Variants in RPTOR observed in about 807,000 individuals in gnomAD.
RPTOR encodes regulatory associated protein of MTOR complex 1.
Under a neutral mutation model 169.9 loss-of-function variants are expected in RPTOR, and 21 were observed. That is an observed-to-expected ratio of 0.12 (90% CI 0.09 to 0.18). RPTOR has a LOEUF of 0.18. RPTOR is among the 10% of genes least tolerant of loss of function. The pLI, the probability that RPTOR is intolerant of heterozygous loss-of-function variation, is 1.00. For missense variants in RPTOR, 1,133 were observed against 1,855.9 expected, an observed-to-expected ratio of 0.61 and a Z score of 7.16; for synonymous variants, 732 against 753.2, an observed-to-expected ratio of 0.97 and a Z score of 0.46.
chr17:80,614,890 T>C (rs1178042188), intron 1 of RPTOR, among the ~76,000 whole-genome samples: 1 of 152,240 alleles, frequency 6.6e-6, no homozygotes, highest in Non-Finnish European at 1.5e-5. Flanking sequence ...TCACCAGGAC[T>C]TGGAGGAAAC....
intron 4 of RPTOR, among the ~76,000 whole-genome samples, chr17:80,720,696 G>A (rs66463810): frequency 0.29 from 44,242 of 152,162 alleles, 7,833 homozygotes; most frequent in Admixed American, 0.46. Flanking sequence ...CACGGTCATA[G>A]CGCTGCGGTG....
intron 21 of RPTOR, among the ~76,000 whole-genome samples, chr17:80,913,376 C>T (rs950237525): frequency 6.6e-6 from 1 of 152,166 alleles, no homozygotes. Flanking sequence ...TAATATATTT[C>T]GATTCCCATT....
chr17:80,888,056 T>C (rs1458658928), intron 17 of RPTOR, among the ~76,000 whole-genome samples: 1 of 152,108 alleles, frequency 6.6e-6, no homozygotes, highest in Non-Finnish European at 1.5e-5. Flanking sequence ...GGATGGGGGC[T>C]TACTCCCTCC....
chr17:80,592,425 G>A (rs997233169), intron 1 of RPTOR, among the ~76,000 whole-genome samples: 2 of 152,184 alleles, frequency 1.3e-5, no homozygotes, highest in African/African-American at 4.8e-5. Flanking sequence ...TAGTGCAGGG[G>A]CAAGACGCTG....
intron 10 of RPTOR, among the ~76,000 whole-genome samples, chr17:80,839,415 C>G (rs2067602538): frequency 1.3e-5 from 2 of 152,202 alleles, no homozygotes; most frequent in Admixed American, 6.5e-5. Context: ...TTACTTCTAC[C>G]CCATCTTTGT....
chr17:80,915,853 C>G (rs1383730766), intron 21 of RPTOR, among the ~76,000 whole-genome samples: 2 of 151,594 alleles, frequency 1.3e-5, no homozygotes, highest in Non-Finnish European at 2.9e-5. Context: ...AGGGTCTCCT[C>G]TCTGCTGAGA....
At chr17:80,876,074 A>G (rs1410839537) in intron 13 of RPTOR, among the ~76,000 whole-genome samples, 1 of 70,568 alleles carries the variant, frequency 1.4e-5, no homozygotes, top group Admixed American at 1.5e-4. Flanking sequence ...AGCCCGTGCC[A>G]CGCAGGGTGT....
chr17:80,583,194 T>TG (rs1192407901), intron 1 of RPTOR, among the ~76,000 whole-genome samples: 4 of 134,800 alleles, frequency 3.0e-5, no homozygotes, highest in African/African-American at 5.5e-5. Flanking sequence ...TTTTTTTTTT[T>TG]TTTTTTTTTT....
At chr17:80,873,194 C>T (rs535168396) in intron 13 of RPTOR, among the ~76,000 whole-genome samples, 4 of 152,174 alleles carry the variant, frequency 2.6e-5, no homozygotes, top group East Asian at 1.9e-4. Context: ...CAGAAATGCC[C>T]GGGGCTCTGT....
intron 24 of RPTOR, among the ~76,000 whole-genome samples, chr17:80,932,257 G>A (rs1383373065): frequency 1.3e-5 from 2 of 151,934 alleles, no homozygotes; most frequent in East Asian, 3.9e-4. Context: ...TGTTATCCCA[G>A]CACTTTGGAA....
chr17:80,883,915 C>T lies in RPTOR; in HGVS notation c.1785C>T (p.Gly595=), dbSNP rs895204017. ...ACTTCGACTCGGCGAGGTGGTGCGG[C>T]GTGAGGGACAGCGCTCATGAGAAGC... ...WQNFDSARWC[G]VRDSAHEKLY... The change falls in exon 16 of 34, where the codon GGC becomes GGT. Residue 595 remains glycine, a synonymous_variant. Transcript: ENST00000306801. 17 of 1,613,398 alleles carry T rather than the reference C, an allele frequency of 1.1e-5. No individual in the cohort carries two copies. Among genetic ancestry groups the T allele is most frequent in the South Asian group, 3.3e-5 (3 of 91,090 alleles).
chr17:80,765,227 TC>T (rs2066774277), intron 6 of RPTOR, among the ~76,000 whole-genome samples: 2 of 152,194 alleles, frequency 1.3e-5, no homozygotes, highest in African/African-American at 4.8e-5. Flanking sequence ...GTCCAGGGCC[TC>T]TGAACACTCT....
At chr17:80,851,070 A>G (rs1182925358) in intron 11 of RPTOR, among the ~76,000 whole-genome samples, 5 of 152,222 alleles carry the variant, frequency 3.3e-5, no homozygotes, top group Non-Finnish European at 7.3e-5. Context: ...CTGGAACTGC[A>G]TGCATGTGCC....
At position 80,794,971 on chromosome 17, in the gene RPTOR, T is replaced by C. The variant is rs563395024; in HGVS notation, c.890+3462T>C. On this transcript the variant is annotated intron_variant, in intron 7 of 33. Transcript: ENST00000306801. ...GGGTGATGTCTTGATGCTGGTGTGGTTCCACAGATCCACCCACACGTTCCA... is the reference window on the plus strand; with the variant it reads ...GGGTGATGTCTTGATGCTGGTGTGGCTCCACAGATCCACCCACACGTTCCA... Among the ~76,000 whole-genome samples, 22 of 152,150 alleles carry C rather than the reference T, an allele frequency of 1.4e-4. No homozygotes were observed. In the East Asian group the frequency reaches 4.2e-3, roughly 29 times the overall value.
At chr17:80,613,194 G>A (rs1437814015) in intron 1 of RPTOR, among the ~76,000 whole-genome samples, 3 of 152,102 alleles carry the variant, frequency 2.0e-5, no homozygotes, top group East Asian at 1.9e-4. Context: ...TCCGTGGCCC[G>A]TCACTTCTTG....
chr17:80,951,666 T>C (rs1457557139), intron 28 of RPTOR, among the ~76,000 whole-genome samples: 1 of 152,120 alleles, frequency 6.6e-6, no homozygotes, highest in Non-Finnish European at 1.5e-5. Flanking sequence ...TTCAAACCAG[T>C]TCACTCGGCA....
chr17:80,818,749 T>C (rs541573062), intron 7 of RPTOR, among the ~76,000 whole-genome samples: 5 of 152,272 alleles, frequency 3.3e-5, no homozygotes, highest in African/African-American at 1.2e-4. Flanking sequence ...ACCAGTGGGA[T>C]TTTCAGGACC....
chr17:80,945,369 G>C (rs1290315994), intron 25 of RPTOR, among the ~76,000 whole-genome samples: 3 of 152,122 alleles, frequency 2.0e-5, no homozygotes, highest in African/African-American at 7.2e-5. Context: ...GAGGCGGGCA[G>C]ATCACAAGGT....
chr17:80,718,022 C>G (rs1368246895), intron 4 of RPTOR, among the ~76,000 whole-genome samples: 1 of 152,206 alleles, frequency 6.6e-6, no homozygotes, highest in East Asian at 1.9e-4. Flanking sequence ...GTTTTTCCCA[C>G]TTGATACATT....
Sources: gnomAD v4.1 joint callset for allele counts (sites outside exome capture counted in the v4.1 genomes callset) on GRCh38, gnomAD v4.1.1 for gene constraint, MANE v1.5 for transcripts, NCBI Gene and HGNC (gene_info 2026-07-23, HGNC 2026-07-21) for gene names.